SLC45A4: variants seen among roughly 807,000 people sequenced by gnomAD.
SLC45A4 encodes the protein polyamine-transporter SLC45A4.
SLC45A4 carries 32 observed loss-of-function variants against 63.7 expected under a neutral mutation model. The observed-to-expected ratio is 0.50, with a 90% confidence interval of 0.38 to 0.67. The LOEUF is 0.67. Among genes scored for constraint, SLC45A4 ranks in the 30% least tolerant of loss-of-function variants. The pLI, the probability that SLC45A4 is intolerant of heterozygous loss-of-function variation, is 0.00. For missense variants in SLC45A4, 1,027 were observed against 1,157.7 expected, an observed-to-expected ratio of 0.89 and a Z score of 1.64; for synonymous variants, 535 against 510.0, an observed-to-expected ratio of 1.05 and a Z score of -0.66.
At chr8:141,277,372 A>G (rs941356325) in intron 1 of SLC45A4, among the ~76,000 whole-genome samples, 7 of 152,242 alleles carry the variant, frequency 4.6e-5, no homozygotes, top group Admixed American at 1.3e-4. Context: ...TGATGGACAA[A>G]GGTTCATGAA....
At position 141,217,147 on chromosome 8, in the gene SLC45A4, C is replaced by A; in HGVS notation, c.1672G>T (p.Val558Phe). 2 of 1,614,002 alleles carry A rather than the reference C, an allele frequency of 1.2e-6. No individual in the cohort carries two copies. The highest frequency in any genetic ancestry group is 1.1e-5 in the South Asian group (1 of 91,088). The change falls in exon 6 of 9, where the codon GTC (valine) becomes TTC (phenylalanine). Residue 558 changes from valine to phenylalanine, a missense_variant. By Grantham distance (50) the Val-to-Phe change is conservative (BLOSUM62 -1). Transcript: ENST00000517878. ...ACCAGGCCCCAGCAGCCCATCTTGA[C>A]CCCGGCGTTGTAGGCTTGCCAGGCG... is the stretch of plus-strand genomic sequence containing the variant. ...STAWQAYNAG[V>F]KMGCWGLVIY...
chr8:141,235,474 C>T (rs1827580072), intron 2 of SLC45A4, among the ~76,000 whole-genome samples: 1 of 152,240 alleles, frequency 6.6e-6, no homozygotes, highest in South Asian at 2.1e-4. Flanking sequence ...ATATGAAGGA[C>T]CAAAGACCCT....
chr8:141,303,109 C>T (rs1459476360), intron 1 of SLC45A4, among the ~76,000 whole-genome samples: 3 of 151,472 alleles, frequency 2.0e-5, no homozygotes, highest in Non-Finnish European at 2.9e-5. Context: ...GCAATCCTCC[C>T]GCCTCAGCCT....
At chr8:141,302,902 T>C (rs1185585706) in intron 1 of SLC45A4, among the ~76,000 whole-genome samples, 1 of 152,108 alleles carries the variant, frequency 6.6e-6, no homozygotes, top group Non-Finnish European at 1.5e-5. Flanking sequence ...CTTGAATAAA[T>C]GTATTTCCCT....
rs141057293 is a variant in SLC45A4, at chr8:141,218,559, T to C, written c.1081A>G (p.Thr361Ala). 1.5e-3 allele frequency: 2,459 copies of C among 1,613,500 alleles called. 3 individuals are homozygous for C. The highest frequency in any genetic ancestry group is 2.2e-3 in the Admixed American group (135 of 60,024). ...TCCTTGGCGGCTTCCTTGAGGAAGG[T>C]GGCCAGGCGGGGCAGCTTGGTCTTG... ...LAKTKLPRLA[T>A]FLKEAAKEDE... The change falls in exon 5 of 9, where the codon ACC becomes GCC. Residue 361 changes from threonine to alanine, a missense_variant. Coordinates refer to ENST00000517878, the MANE Select transcript of SLC45A4 (RefSeq NM_001286646.2).
intron 1 of SLC45A4, among the ~76,000 whole-genome samples, chr8:141,297,109 C>T (rs1201805547): frequency 3.3e-5 from 5 of 152,172 alleles, no homozygotes; most frequent in Admixed American, 3.3e-4. Context: ...ACCAGAAACA[C>T]CAGTGAGGGC....
At chr8:141,248,292 T>C (rs1421603552) in intron 2 of SLC45A4, among the ~76,000 whole-genome samples, 1 of 152,232 alleles carries the variant, frequency 6.6e-6, no homozygotes, top group East Asian at 1.9e-4. Context: ...GAAAGGAACC[T>C]GGCACAGTGG....
intron 2 of SLC45A4, chr8:141,228,202 G>T: frequency 6.2e-7 from 1 of 1,614,066 alleles, no homozygotes; most frequent in South Asian, 1.1e-5. Context: ...CCATTGATTT[G>T]ACCTCAGTGG....
In SLC45A4 at chr8:141,256,297, G is replaced by T. The variant is rs954481776; in HGVS notation, c.-400-1668C>A. On this transcript the variant is annotated intron_variant, in intron 1 of 8. Coordinates refer to ENST00000517878, the MANE Select transcript of SLC45A4 (RefSeq NM_001286646.2). This position sits in a 1 kb window ranked among gnomAD's most constrained non-coding sequence, Gnocchi z 4.3. ...GCCCCTAAAAACACACCTAAATGGTGTTCACAGTTTATATTAAGGTAGGTC... is the reference window on the plus strand; with the variant it reads ...GCCCCTAAAAACACACCTAAATGGTTTTCACAGTTTATATTAAGGTAGGTC... 3.3e-6 allele frequency: 1 copy of T among 305,382 alleles called. No homozygotes were observed. The highest frequency in any genetic ancestry group is 6.6e-6 in the Non-Finnish European group (1 of 151,216). The allele number at this position is 305,382 out of a possible 1,614,324, so 18.9% of individuals were successfully genotyped here. A position where few individuals can be genotyped will look rare whatever the true frequency, so the allele number is the denominator to read the frequency against.
At chr8:141,253,966 G>A (rs965018747) in intron 2 of SLC45A4, 23 bp downstream of exon 2, 28 of 1,535,254 alleles carry the variant, frequency 1.8e-5, no homozygotes, top group Non-Finnish European at 2.3e-5. Context: ...CGTTCACTGC[G>A]CACAGACGGG....
chr8:141,299,327 C>T (rs146537882), intron 1 of SLC45A4, among the ~76,000 whole-genome samples: 2 of 152,256 alleles, frequency 1.3e-5, no homozygotes. Context: ...ATTAAAAACA[C>T]TCTCGACACC....
chr8:141,241,618 C>T (rs946098473), intron 2 of SLC45A4, among the ~76,000 whole-genome samples: 7 of 152,052 alleles, frequency 4.6e-5, no homozygotes, highest in South Asian at 4.2e-4. Flanking sequence ...GTCTGGGAAC[C>T]GCTGGTGGGC....
At position 141,208,647 on chromosome 8, in the gene SLC45A4, G is replaced by C. The variant is rs1260301215; in HGVS notation, c.*2925C>G. 1 of 152,256 alleles carries C rather than the reference G, an allele frequency of 6.6e-6. No homozygotes were observed. The highest frequency in any genetic ancestry group is 1.5e-5 in the Non-Finnish European group (1 of 68,068). 9.4% of individuals were successfully genotyped at this position (152,256 alleles called of 1,614,324 possible). A position where few individuals can be genotyped will look rare whatever the true frequency, so the allele number is the denominator to read the frequency against. On this transcript the variant is annotated 3_prime_UTR_variant, in exon 9 of 9. Transcript: ENST00000517878. Reference sequence around the variant, plus strand: ...AGGATTCCAGCTAAGGCCCCTGCCTGAGAGTGAGAAAAACAACACTCCAAA... The same window carrying C: ...AGGATTCCAGCTAAGGCCCCTGCCTCAGAGTGAGAAAAACAACACTCCAAA...
At chr8:141,260,840 AT>A (rs1218275458) in intron 1 of SLC45A4, among the ~76,000 whole-genome samples, 1 of 152,234 alleles carries the variant, frequency 6.6e-6, no homozygotes, top group Non-Finnish European at 1.5e-5. Flanking sequence ...ATTCCAATCA[AT>A]AGAAAAAGAG....
chr8:141,284,727 A>G (rs1589851386), intron 1 of SLC45A4, among the ~76,000 whole-genome samples: 1 of 152,036 alleles, frequency 6.6e-6, no homozygotes, highest in African/African-American at 2.4e-5. Context: ...TGAAACGCCT[A>G]CCCCAGTACA....
chr8:141,263,981 C>T (rs904795760), intron 1 of SLC45A4, among the ~76,000 whole-genome samples: 4 of 152,068 alleles, frequency 2.6e-5, no homozygotes, highest in African/African-American at 2.4e-5. Context: ...TGGTGGCCTC[C>T]GGGTTGGTGC....
intron 1 of SLC45A4, among the ~76,000 whole-genome samples, chr8:141,303,123 G>C (rs1202366726): frequency 6.6e-6 from 1 of 150,488 alleles, no homozygotes; most frequent in Non-Finnish European, 1.5e-5. Flanking sequence ...TCAGCCTCTC[G>C]AGTAGTTGGG....
intron 6 of SLC45A4, among the ~76,000 whole-genome samples, chr8:141,216,357 G>A (rs962286795): frequency 6.6e-6 from 1 of 152,198 alleles, no homozygotes; most frequent in African/African-American, 2.4e-5. Context: ...TCCTGCCTCG[G>A]GAACACACAT....
At chr8:141,301,734 C>CAAAAAAAAAAAAAAAAAAAAAAAAAAA (rs564016568) in intron 1 of SLC45A4, among the ~76,000 whole-genome samples, 9 of 39,584 alleles carry the variant, frequency 2.3e-4, no homozygotes, top group East Asian at 5.7e-4. Flanking sequence ...GACCCTATCT[C>CAAAAAAAAAAAAAAAAAAAAAAAAAAA]AAAAAAAAAA....
Sources: allele counts gnomAD v4.1 joint callset (sites outside exome capture counted in the v4.1 genomes callset), GRCh38; gene constraint gnomAD v4.1.1; non-coding constraint Gnocchi (gnomAD v3.1); transcripts MANE v1.5; gene names NCBI Gene and HGNC (gene_info 2026-07-23, HGNC 2026-07-21).